The following ARHGEF3 variants were observed in gnomAD, a reference collection of about 807,000 sequenced individuals.
The protein encoded by ARHGEF3 is 59.8 kDA protein.
Under a neutral mutation model 63.2 loss-of-function variants are expected in ARHGEF3, and 28 were observed. The observed-to-expected ratio is 0.44, with a 90% CI of 0.33 to 0.61. ARHGEF3 has a LOEUF of 0.61. Ranked by LOEUF, ARHGEF3 falls within the 20% of genes least tolerant of loss-of-function variation. The pLI is 0.03. For synonymous variants in ARHGEF3, 266 were observed against 254.2 expected, an observed-to-expected ratio of 1.05 and a Z score of -0.44; for missense variants, 533 against 659.3, an observed-to-expected ratio of 0.81 and a Z score of 2.10.
chr3:56,757,030 G>A (rs1004038223), intron 2 of ARHGEF3, among the ~76,000 whole-genome samples: 1 of 152,202 alleles, frequency 6.6e-6, no homozygotes, highest in African/African-American at 2.4e-5. Context: ...ACTTCCTGAG[G>A]TCAGGAATTG....
At chr3:56,918,177 A>G (rs2042033266) in intron 3 of ARHGEF3, among the ~76,000 whole-genome samples, 1 of 152,208 alleles carries the variant, frequency 6.6e-6, no homozygotes, top group African/African-American at 2.4e-5. Context: ...TTTGGGGACA[A>G]TTCAGCCGAT....
chr3:56,777,316 C>T (rs1457211300), intron 1 of ARHGEF3, among the ~76,000 whole-genome samples: 9 of 151,886 alleles, frequency 5.9e-5, no homozygotes, highest in South Asian at 2.1e-4. Flanking sequence ...AAAGAAGCGA[C>T]GGGTGGGAAG....
intron 1 of ARHGEF3, among the ~76,000 whole-genome samples, chr3:57,076,557 G>T (rs755846436): frequency 6.6e-6 from 1 of 152,166 alleles, no homozygotes; most frequent in African/African-American, 2.4e-5. Flanking sequence ...AGTGGAACAG[G>T]CTATTGCAGG....
At chr3:57,007,203 G>A (rs373661909) in intron 2 of ARHGEF3, 1 of 1,286,598 alleles carries the variant, frequency 7.8e-7, no homozygotes, top group South Asian at 1.2e-5. Flanking sequence ...GTTTGTTCTG[G>A]AATCTTAGGA....
intron 2 of ARHGEF3, among the ~76,000 whole-genome samples, chr3:56,968,169 A>ATAAT (rs1491541367): frequency 1.4e-4 from 4 of 28,334 alleles, no homozygotes; most frequent in African/African-American, 3.0e-4. Flanking sequence ...TATATTATAT[A>ATAAT]ATATATATAA....
intron 3 of ARHGEF3, among the ~76,000 whole-genome samples, chr3:56,949,812 T>C (rs1357109266): frequency 2.0e-5 from 3 of 152,134 alleles, no homozygotes; most frequent in East Asian, 1.9e-4. Flanking sequence ...AAAAGGAGCC[T>C]GCATTGCCAA....
rs150232391 is a variant in ARHGEF3, at chr3:56,894,054, C to T, written c.130-11700G>A. On this transcript the variant is annotated intron_variant, in intron 3 of 12. Transcript: ENST00000338458. ...GGGCAATCACCATTTCCCTGCACAC[C>T]GTGTGGAAAGCACACAAATCAGCTT... Among the ~76,000 whole-genome samples, 362 of 152,194 alleles carry T rather than the reference C, an allele frequency of 2.4e-3. 4 individuals are homozygous for T. The highest frequency in any genetic ancestry group is 0.017 in the East Asian group (87 of 5,176).
intron 3 of ARHGEF3, among the ~76,000 whole-genome samples, chr3:56,919,847 G>T (rs956671515): frequency 6.6e-6 from 1 of 152,202 alleles, no homozygotes; most frequent in Non-Finnish European, 1.5e-5. Flanking sequence ...GCCTACCCAT[G>T]GCACGTGGCC....
intron 4 of ARHGEF3, among the ~76,000 whole-genome samples, chr3:56,872,497 A>G (rs887912926): frequency 6.8e-6 from 1 of 147,606 alleles, no homozygotes; most frequent in Non-Finnish European, 1.5e-5. Context: ...ATCCTTATAT[A>G]CCTCTTTTCA....
At chr3:56,846,430 C>T (rs192396612) in intron 4 of ARHGEF3, among the ~76,000 whole-genome samples, 14 of 152,154 alleles carry the variant, frequency 9.2e-5, no homozygotes, top group African/African-American at 1.7e-4. Context: ...TCATTAGAGA[C>T]GGTGAAAATG....
At chr3:56,905,769 C>T (rs952076683) in intron 3 of ARHGEF3, among the ~76,000 whole-genome samples, 13 of 152,196 alleles carry the variant, frequency 8.5e-5, no homozygotes, top group Non-Finnish European at 1.5e-4. Flanking sequence ...AGAAATGATA[C>T]CCTGGTCAAG....
At chr3:57,043,917 G>A (rs1049196151) in intron 1 of ARHGEF3, among the ~76,000 whole-genome samples, 3 of 152,210 alleles carry the variant, frequency 2.0e-5, no homozygotes, top group African/African-American at 7.2e-5. Flanking sequence ...ATCCCTGGAC[G>A]CCAAACACTA....
chr3:56,802,169 G>C (rs1031364524), upstream of ARHGEF3, among the ~76,000 whole-genome samples: 4 of 152,212 alleles, frequency 2.6e-5, no homozygotes, highest in Non-Finnish European at 5.9e-5. Context: ...CGCAGAGCGT[G>C]GGCCGCGATT....
chr3:56,811,452 G>A (rs989354668), intron 4 of ARHGEF3, among the ~76,000 whole-genome samples: 1 of 152,110 alleles, frequency 6.6e-6, no homozygotes, highest in African/African-American at 2.4e-5. Flanking sequence ...ACAGGTTCGG[G>A]GACTCCTGGC....
intron 3 of ARHGEF3, among the ~76,000 whole-genome samples, chr3:56,909,180 A>G (rs6445836): frequency 0.93 from 142,135 of 152,270 alleles, 66,729 homozygotes; most frequent in Non-Finnish European, 0.99. Flanking sequence ...GAGCCAGGGG[A>G]CCACACAGAC....
chr3:56,855,308 G>A (rs1284404946), intron 4 of ARHGEF3, among the ~76,000 whole-genome samples: 2 of 152,204 alleles, frequency 1.3e-5, no homozygotes, highest in African/African-American at 2.4e-5. Flanking sequence ...AAAAGTGGAA[G>A]AGCAGGAATT....
intron 6 of ARHGEF3, among the ~76,000 whole-genome samples, chr3:56,749,873 T>A (rs116691048): frequency 1.3e-5 from 2 of 148,710 alleles, no homozygotes; most frequent in East Asian, 3.8e-4. Flanking sequence ...AAGGCAGTCA[T>A]TGAGAAACGT....
intron 2 of ARHGEF3, among the ~76,000 whole-genome samples, chr3:56,964,755 G>A (rs1426352900): frequency 6.6e-6 from 1 of 152,062 alleles, no homozygotes; most frequent in Non-Finnish European, 1.5e-5. Context: ...AGACCTCCCA[G>A]AGAAAATGAG....
At chr3:57,058,718 C>T (rs1462039142) in intron 1 of ARHGEF3, among the ~76,000 whole-genome samples, 1 of 151,976 alleles carries the variant, frequency 6.6e-6, no homozygotes, top group African/African-American at 2.4e-5. Flanking sequence ...GCACTATTCA[C>T]AATAGCAAAG....
Sources: allele counts gnomAD v4.1 joint callset (sites outside exome capture counted in the v4.1 genomes callset), GRCh38; gene constraint gnomAD v4.1.1; transcripts MANE v1.5; gene names NCBI Gene and HGNC (gene_info 2026-07-23, HGNC 2026-07-21).